The following GLI2 variants were observed in gnomAD, a reference collection of about 807,000 sequenced individuals.
GLI2 encodes the protein transcription activator GLI2.
GLI2 carries 22 observed loss-of-function variants against 78.9 expected under a neutral mutation model. The ratio of observed to expected loss-of-function variants is 0.28; its 90% CI spans 0.20 to 0.40. GLI2 has a LOEUF of 0.40. Among genes scored for constraint, GLI2 ranks in the 10% least tolerant of loss-of-function variants. The probability of loss-of-function intolerance (pLI) is 1.00; values close to 1 mark genes in which losing one functional copy is unlikely to be tolerated. For synonymous variants in GLI2, 974 were observed against 963.7 expected (o/e 1.01, Z -0.20); for missense variants, 2,097 against 2,213.2 (o/e 0.95, Z 1.05).
At chr2:120,838,223 G>A (rs1056791606) in intron 2 of GLI2, among the ~76,000 whole-genome samples, 1 of 151,938 alleles carries the variant, frequency 6.6e-6, no homozygotes, top group Non-Finnish European at 1.5e-5. Flanking sequence ...GTATTCTGAA[G>A]TTTTCTTTGC....
chr2:120,950,891 C>A (rs1459904209), intron 3 of GLI2, among the ~76,000 whole-genome samples: 1 of 152,238 alleles, frequency 6.6e-6, no homozygotes, highest in Non-Finnish European at 1.5e-5. Flanking sequence ...CTGTGCCTAG[C>A]CCCGAGGAGG....
chr2:120,871,187 T>C (rs1201032715), intron 2 of GLI2, among the ~76,000 whole-genome samples: 1 of 152,256 alleles, frequency 6.6e-6, no homozygotes, highest in Non-Finnish European at 1.5e-5. Flanking sequence ...AGAAGCTACC[T>C]GCAGCCAGGT....
intron 3 of GLI2, among the ~76,000 whole-genome samples, chr2:120,949,994 A>G (rs1442551022): frequency 2.0e-5 from 3 of 152,216 alleles, no homozygotes; most frequent in Admixed American, 1.3e-4. Flanking sequence ...ATCCAGTGTG[A>G]AGATTGGGAG....
intron 4 of GLI2, among the ~76,000 whole-genome samples, chr2:120,951,978 GC>G (rs1290535568): frequency 6.6e-6 from 1 of 152,228 alleles, no homozygotes; most frequent in Admixed American, 6.5e-5. Flanking sequence ...AGATCAGATG[GC>G]CACCCCGGTG....
intron 4 of GLI2, 69 bp downstream of exon 4, chr2:120,951,514 CG>C: frequency 9.7e-7 from 1 of 1,026,086 alleles, no homozygotes; most frequent in Non-Finnish European, 1.5e-6. Context: ...GCCTCTCTCA[CG>C]CTAACACTGT....
chr2:120,799,157 T>C (rs1478575381), intron 2 of GLI2, among the ~76,000 whole-genome samples: 1 of 152,178 alleles, frequency 6.6e-6, no homozygotes, highest in Non-Finnish European at 1.5e-5. Context: ...AACAGATGCT[T>C]GAGGGATTCT....
At chr2:120,756,463 A>T (rs1005010223) in intron 1 of GLI2, among the ~76,000 whole-genome samples, 36 of 152,292 alleles carry the variant, frequency 2.4e-4, no homozygotes, top group African/African-American at 8.7e-4. Flanking sequence ...GTGAATACAG[A>T]TAGTTTTACT....
At chr2:120,804,056 C>T (rs1378640412) in intron 2 of GLI2, among the ~76,000 whole-genome samples, 2 of 152,150 alleles carry the variant, frequency 1.3e-5, no homozygotes, top group African/African-American at 4.8e-5. Context: ...CTTCATTGGC[C>T]CTGCTGGGTT....
At chr2:120,946,226 C>T (rs1255070767) in intron 3 of GLI2, among the ~76,000 whole-genome samples, 1 of 152,132 alleles carries the variant, frequency 6.6e-6, no homozygotes, top group Non-Finnish European at 1.5e-5. Flanking sequence ...CTCTGAGCTG[C>T]CTACAGGTCC....
chr2:120,984,150 T>C (rs1467008805), intron 11 of GLI2, among the ~76,000 whole-genome samples: 2 of 152,142 alleles, frequency 1.3e-5, no homozygotes, highest in East Asian at 1.9e-4. Flanking sequence ...TTGCTACTAG[T>C]ACTAAAAACC....
intron 2 of GLI2, among the ~76,000 whole-genome samples, chr2:120,912,812 C>T (rs1270315774): frequency 2.0e-5 from 3 of 152,142 alleles, no homozygotes; most frequent in Non-Finnish European, 2.9e-5. Flanking sequence ...AAGAACGCAG[C>T]GGGCAGCAAT....
chr2:120,933,616 G>T (rs1393325842), intron 3 of GLI2, among the ~76,000 whole-genome samples: 3 of 152,168 alleles, frequency 2.0e-5, no homozygotes, highest in Admixed American at 2.0e-4. Flanking sequence ...CCAGAAATAG[G>T]CTTGCCAGGG....
At chr2:120,785,732 G>T (rs1683979349) in intron 1 of GLI2, among the ~76,000 whole-genome samples, 1 of 152,174 alleles carries the variant, frequency 6.6e-6, no homozygotes, top group Admixed American at 6.5e-5. Flanking sequence ...ATCCTGGTAT[G>T]CTCCCCTCAC....
At chr2:120,873,823 G>A (rs1478631339) in intron 2 of GLI2, among the ~76,000 whole-genome samples, 3 of 152,288 alleles carry the variant, frequency 2.0e-5, no homozygotes, top group East Asian at 1.9e-4. Context: ...GAAATGGACC[G>A]ACATAAAATC....
chr2:120,990,431 A>G lies in GLI2; in HGVS notation c.4466A>G (p.Glu1489Gly), dbSNP rs754008467. 1.2e-6 allele frequency: 2 copies of G among 1,613,822 alleles called. No individual in the cohort carries two copies. Among genetic ancestry groups the G allele is most frequent in the African/African-American group, 2.7e-5 (2 of 74,834 alleles). Residue 1489 changes from glutamate to glycine, a missense_variant, in exon 14 of 14, where the codon GAG (glutamate) becomes GGG (glycine). Coordinates refer to ENST00000361492, the MANE Select transcript of GLI2 (RefSeq NM_001374353.1). ...VSSTVDSQLL[E>G]APQIDFDAIM... The stretch of plus-strand genomic sequence containing the variant: ...AGCACTGTGGACTCCCAGCTCCTGG[A>G]GGCCCCCCAGATTGACTTCGATGCC...
intron 2 of GLI2, among the ~76,000 whole-genome samples, chr2:120,916,331 C>T (rs1679095879): frequency 6.6e-6 from 1 of 152,256 alleles, no homozygotes; most frequent in Admixed American, 6.5e-5. Context: ...GCTTACACTT[C>T]ACTCGGTTCA....
At chr2:120,832,200 T>C (rs1010187985) in intron 2 of GLI2, among the ~76,000 whole-genome samples, 1 of 152,154 alleles carries the variant, frequency 6.6e-6, no homozygotes, top group Non-Finnish European at 1.5e-5. Flanking sequence ...AGCTCATCGG[T>C]CTTGAATTTG....
rs1388328389 is a variant in GLI2, at chr2:120,877,391, C to T, written c.149-49970C>T. Among the ~76,000 whole-genome samples the T allele has an allele frequency of 3.3e-5, 5 of 152,188 alleles. No homozygotes were observed. The South Asian group carries it at 8.3e-4, about 25-fold the overall frequency. Reference sequence around the variant, plus strand: ...AAATATGCAAATACAACATACATAACCGTAAAGTGCATGCATCTTAAGTGG... The same window carrying T: ...AAATATGCAAATACAACATACATAATCGTAAAGTGCATGCATCTTAAGTGG... On this transcript the variant is annotated intron_variant, in intron 2 of 13. Coordinates refer to ENST00000361492, the MANE Select transcript of GLI2 (RefSeq NM_001374353.1).
At position 120,990,182 on chromosome 2, in the gene GLI2, A is replaced by G. The variant is rs781286934; in HGVS notation, c.4217A>G (p.Asn1406Ser). The G allele has an allele frequency of 1.9e-6, 3 of 1,612,988 alleles. No individual in the cohort carries two copies. In the East Asian group the frequency reaches 6.7e-5, roughly 36 times the overall value. ...AEAVPKGAMG[N>S]MGSVPPQPPP... The stretch of plus-strand genomic sequence containing the variant: ...GCTGTGCCCAAGGGAGCGATGGGCA[A>G]CATGGGGTCGGTGCCTCCCCAGCCG... Residue 1406 changes from asparagine to serine, a missense_variant, in exon 14 of 14, where the codon AAC becomes AGC. Around this residue, in one of 5 missense-constraint regions of GLI2, gnomAD observed 1,290 missense variants for 1,261.7 expected, o/e 1.02. Coordinates refer to ENST00000361492, the MANE Select transcript of GLI2 (RefSeq NM_001374353.1).
Sources: gnomAD v4.1 joint callset for allele counts (sites outside exome capture counted in the v4.1 genomes callset) on GRCh38, gnomAD v4.1.1 for gene constraint, gnomAD v4.1.1 regional missense constraint, MANE v1.5 for transcripts, NCBI Gene and HGNC (gene_info 2026-07-23, HGNC 2026-07-21) for gene names.